The following SMG7 variants were observed in gnomAD, a reference collection of about 807,000 sequenced individuals.
SMG7 encodes nonsense-mediated mRNA decay factor SMG7.
Under a neutral mutation model 148.2 loss-of-function variants are expected in SMG7, and 34 were observed. The observed-to-expected ratio is 0.23, with a 90% CI of 0.17 to 0.31. SMG7 has a LOEUF of 0.31. Ranked by LOEUF, SMG7 falls within the 10% of genes least tolerant of loss-of-function variation. The pLI is 1.00. For missense variants in SMG7, 1,114 were observed against 1,408.4 expected, an observed-to-expected ratio of 0.79 and a Z score of 3.35; for synonymous variants, 492 against 515.1, an observed-to-expected ratio of 0.96 and a Z score of 0.61.
chr1:183,483,994 A>G (rs1361047467), intron 1 of SMG7, among the ~76,000 whole-genome samples: 1 of 152,172 alleles, frequency 6.6e-6, no homozygotes, highest in Non-Finnish European at 1.5e-5. Context: ...CTTAATTTGT[A>G]TTTTGGTTGT....
intron 8 of SMG7, among the ~76,000 whole-genome samples, chr1:183,530,143 A>G (rs1245016205): frequency 2.6e-5 from 4 of 152,190 alleles, no homozygotes; most frequent in Non-Finnish European, 4.4e-5. Flanking sequence ...ATTCAAATAA[A>G]TATTTGACTA....
intron 1 of SMG7, among the ~76,000 whole-genome samples, chr1:183,494,584 A>G (rs1453483764): frequency 6.7e-6 from 1 of 149,320 alleles, no homozygotes; most frequent in Non-Finnish European, 1.5e-5. Flanking sequence ...AAATTTCCTC[A>G]GCTCTTATGT....
intron 1 of SMG7, among the ~76,000 whole-genome samples, chr1:183,498,818 G>C (rs1659131073): frequency 6.6e-6 from 1 of 152,124 alleles, no homozygotes; most frequent in Non-Finnish European, 1.5e-5. Flanking sequence ...ACACTCTGTG[G>C]GTTTGGACCA....
At chr1:183,540,161 C>T (rs1400150921) in intron 12 of SMG7, among the ~76,000 whole-genome samples, 1 of 152,192 alleles carries the variant, frequency 6.6e-6, no homozygotes, top group Non-Finnish European at 1.5e-5. Context: ...TCCTTCTCCT[C>T]TACTGCCCTT....
At chr1:183,473,546 T>A (rs1651321581) in intron 1 of SMG7, among the ~76,000 whole-genome samples, 1 of 152,110 alleles carries the variant, frequency 6.6e-6, no homozygotes, top group East Asian at 1.9e-4. Flanking sequence ...GGACACCAGC[T>A]TTTGTGTCAG....
chr1:183,546,202 C>G lies in SMG7; in HGVS notation c.2607C>G (p.Phe869Leu). The change falls in exon 17 of 23, where the codon TTC (phenylalanine) becomes TTG (leucine). Residue 869 changes from phenylalanine (F) to leucine (L), a missense_variant. Physicochemically the swap from Phe to Leu is conservative, Grantham distance 22. Transcript: ENST00000688051. ...HNPSEVKVPE[F>L]YWDSSYSMAD... ...CCTCAGAAGTCAAGGTCCCAGAATT[C>G]TACTGGGATTCTTCCTACAGCATGG... The G allele has an allele frequency of 1.2e-6, 2 of 1,614,044 alleles. No homozygotes were observed. Among genetic ancestry groups the G allele is most frequent in the Non-Finnish European group, 1.7e-6 (2 of 1,179,970 alleles).
intron 1 of SMG7, among the ~76,000 whole-genome samples, chr1:183,477,698 A>G (rs546142603): frequency 1.3e-5 from 2 of 149,094 alleles, no homozygotes; most frequent in East Asian, 3.9e-4. Context: ...ATATGTGTAT[A>G]TATGCATATA....
At chr1:183,485,317 A>G (rs1655178512) in intron 1 of SMG7, among the ~76,000 whole-genome samples, 1 of 152,226 alleles carries the variant, frequency 6.6e-6, no homozygotes, top group South Asian at 2.1e-4. Context: ...ATAAACATAT[A>G]TAATCTGAAC....
intron 10 of SMG7, among the ~76,000 whole-genome samples, chr1:183,534,345 C>G (rs1044172766): frequency 3.9e-5 from 6 of 152,188 alleles, no homozygotes; most frequent in African/African-American, 1.2e-4. Flanking sequence ...TCTGACAGCT[C>G]TTAGGAACCA....
intron 1 of SMG7, among the ~76,000 whole-genome samples, chr1:183,508,422 G>C (rs1661421020): frequency 6.6e-6 from 1 of 152,008 alleles, no homozygotes; most frequent in South Asian, 2.1e-4. Flanking sequence ...TGAACTCCTG[G>C]CTCCAGTGAT....
intron 2 of SMG7, among the ~76,000 whole-genome samples, chr1:183,514,468 A>G (rs1648910667): frequency 6.6e-6 from 1 of 152,206 alleles, no homozygotes; most frequent in African/African-American, 2.4e-5. Flanking sequence ...TATTGTGTAT[A>G]TCAGTGTCTG....
chr1:183,537,042 A>G (rs531472866), intron 10 of SMG7, 103 bp from the exon 11 acceptor site: 36 of 749,782 alleles, frequency 4.8e-5, no homozygotes, highest in Admixed American at 9.3e-5. Context: ...ATAAGGGAAA[A>G]ATACATAAAG....
intron 14 of SMG7, among the ~76,000 whole-genome samples, chr1:183,543,305 A>G (rs1002677377): frequency 1.3e-5 from 2 of 152,158 alleles, no homozygotes; most frequent in African/African-American, 4.8e-5. Context: ...TGCATGAGAA[A>G]CTTTACATTG....
In SMG7 at chr1:183,534,856, A is replaced by T. The variant is rs566390365; in HGVS notation, c.1163+1024A>T. Among the ~76,000 whole-genome samples the T allele has an allele frequency of 7.2e-5, 11 of 152,304 alleles. No individual in the cohort carries two copies. The South Asian group carries it at 2.3e-3, about 32-fold the overall frequency. ...TACTCCAGCCTGTCTCAAAAAAAAA[A>T]AAAGAAAGACCTTATGGTCTGTCTG... On this transcript the variant is annotated intron_variant, in intron 10 of 22. Transcript: ENST00000688051.
chr1:183,542,393 C>G lies in SMG7; in HGVS notation c.1733C>G (p.Thr578Ser), dbSNP rs1310265495. The G allele has an allele frequency of 6.2e-7, 1 of 1,613,912 alleles. No homozygotes were observed. The highest frequency in any genetic ancestry group is 1.3e-5 in the African/African-American group (1 of 75,012). ...AGAAGGGACTATAGCAAAGGAATAA[C>G]TGTAACTAAGAATGATGGAAAGAAG... is the stretch of plus-strand genomic sequence containing the variant. ...EVRRDYSKGI[T>S]VTKNDGKKDN... Residue 578 changes from threonine to serine, a missense_variant, in exon 14 of 23, where the codon ACT becomes AGT. By Grantham distance (58) the Thr-to-Ser change is moderately conservative. Coordinates refer to ENST00000688051, the MANE Select transcript of SMG7 (RefSeq NM_001375584.1).
intron 1 of SMG7, among the ~76,000 whole-genome samples, chr1:183,473,550 G>A (rs1344203576): frequency 6.6e-6 from 1 of 152,140 alleles, no homozygotes; most frequent in Non-Finnish European, 1.5e-5. Flanking sequence ...ACCAGCTTTT[G>A]TGTCAGCTGA....
At chr1:183,549,681 C>A in intron 19 of SMG7, 83 bp from the exon 20 acceptor site, 3 of 1,092,496 alleles carry the variant, frequency 2.7e-6, no homozygotes, top group South Asian at 1.4e-5. Flanking sequence ...TAAGGTGTAC[C>A]AAGCATCCAT....
intron 4 of SMG7, among the ~76,000 whole-genome samples, chr1:183,521,710 T>C (rs775049583): frequency 6.6e-6 from 1 of 151,768 alleles, no homozygotes; most frequent in Non-Finnish European, 1.5e-5. Context: ...ACAAAGAATC[T>C]AAAAATCAAC....
In SMG7 at chr1:183,553,236, A is replaced by G; in HGVS notation, c.*1305A>G. The stretch of plus-strand genomic sequence containing the variant: ...ATGATATTTATTAGGAGGAAAGAGG[A>G]CTGAAAATGTTCTTGTGTAGAAACA... On this transcript the variant is annotated 3_prime_UTR_variant, in exon 23 of 23. Coordinates refer to ENST00000688051, the MANE Select transcript of SMG7 (RefSeq NM_001375584.1). The G allele has an allele frequency of 6.6e-7, 1 of 1,504,294 alleles. No individual in the cohort carries two copies. The highest frequency in any genetic ancestry group is 8.9e-7 in the Non-Finnish European group (1 of 1,122,814). 93.2% of individuals were successfully genotyped at this position (1,504,294 alleles called of 1,614,324 possible). A position where few individuals can be genotyped will look rare whatever the true frequency, so the allele number is the denominator to read the frequency against.
Sources: allele counts gnomAD v4.1 joint callset (sites outside exome capture counted in the v4.1 genomes callset), GRCh38; gene constraint gnomAD v4.1.1; transcripts MANE v1.5; gene names NCBI Gene and HGNC (gene_info 2026-07-23, HGNC 2026-07-21).